The following GRIK2 variants were observed in gnomAD, a reference collection of about 807,000 sequenced individuals.
GRIK2 encodes the protein glutamate ionotropic receptor kainate type subunit 2.
Under a neutral mutation model 100.3 loss-of-function variants are expected in GRIK2, and 32 were observed. The ratio of observed to expected loss-of-function variants is 0.32; its 90% CI spans 0.24 to 0.43. The LOEUF (loss-of-function observed/expected upper bound fraction) is 0.43, where lower values mean the gene tolerates loss of function less well. Among genes scored for constraint, GRIK2 ranks in the 20% least tolerant of loss-of-function variants. GRIK2 has a pLI of 1.00. For synonymous variants in GRIK2, 417 were observed against 389.4 expected (o/e 1.07, Z -0.83); for missense variants, 843 against 1,114.9 (o/e 0.76, Z 3.47).
intron 2 of GRIK2, among the ~76,000 whole-genome samples, chr6:101,443,657 T>C (rs1243549919): frequency 2.0e-5 from 3 of 152,088 alleles, no homozygotes; most frequent in Non-Finnish European, 4.4e-5. Flanking sequence ...AAATTATTTC[T>C]GAAACTTTTA....
chr6:101,523,582 A>T, intron 2 of GRIK2, among the ~76,000 whole-genome samples: 1 of 152,236 alleles, frequency 6.6e-6, no homozygotes, highest in East Asian at 1.9e-4. Context: ...GCAGAAGACC[A>T]TTCCAAACTG....
intron 2 of GRIK2, among the ~76,000 whole-genome samples, chr6:101,438,833 G>A (rs1387016732): frequency 6.6e-6 from 1 of 152,114 alleles, no homozygotes. Context: ...TTGAATTCCT[G>A]AGAACAGATT....
chr6:102,016,667 G>A (rs1795853305), intron 14 of GRIK2, among the ~76,000 whole-genome samples: 1 of 151,884 alleles, frequency 6.6e-6, no homozygotes, highest in African/African-American at 2.4e-5. Context: ...CCCTCAAAGA[G>A]ACGGGGAGAA....
intron 2 of GRIK2, among the ~76,000 whole-genome samples, chr6:101,472,717 G>A (rs1296703169): frequency 6.6e-6 from 1 of 151,744 alleles, no homozygotes; most frequent in Non-Finnish European, 1.5e-5. Context: ...CTGATATGCA[G>A]CCATTCCTTC....
intron 2 of GRIK2, among the ~76,000 whole-genome samples, chr6:101,407,428 A>G (rs1457927567): frequency 6.6e-6 from 1 of 152,140 alleles, no homozygotes; most frequent in Non-Finnish European, 1.5e-5. Flanking sequence ...CCTGGCTGCC[A>G]AAATTCAAAA....
At chr6:101,853,481 A>T (rs1784254038) in intron 10 of GRIK2, among the ~76,000 whole-genome samples, 1 of 152,182 alleles carries the variant, frequency 6.6e-6, no homozygotes, top group African/African-American at 2.4e-5. Context: ...CTCATTTCTT[A>T]TTGGTGGGAA....
At chr6:101,524,837 T>A (rs984420308) in intron 2 of GRIK2, among the ~76,000 whole-genome samples, 5 of 151,954 alleles carry the variant, frequency 3.3e-5, no homozygotes, top group African/African-American at 9.7e-5. Context: ...GTTCAAACGA[T>A]TCTCCAACCT....
chr6:101,417,123 A>T (rs1582401828), intron 2 of GRIK2, among the ~76,000 whole-genome samples: 1 of 152,350 alleles, frequency 6.6e-6, no homozygotes, highest in Non-Finnish European at 1.5e-5. Context: ...AGCTACTGGC[A>T]GCAGGCACGA....
intron 10 of GRIK2, among the ~76,000 whole-genome samples, chr6:101,847,169 T>G (rs896319384): frequency 6.6e-5 from 10 of 152,118 alleles, no homozygotes; most frequent in Non-Finnish European, 1.3e-4. Context: ...TTTCACTGTA[T>G]CCATTGAGTT....
chr6:101,430,431 G>A, intron 2 of GRIK2: 1 of 215,648 alleles, frequency 4.6e-6, no homozygotes, highest in Admixed American at 4.6e-5. Flanking sequence ...ATCCACATCT[G>A]CTGGAAGGTG....
At chr6:101,496,519 C>G (rs1304713074) in intron 2 of GRIK2, among the ~76,000 whole-genome samples, 2 of 152,080 alleles carry the variant, frequency 1.3e-5, no homozygotes, top group Admixed American at 6.6e-5. Context: ...ATAGATTGCA[C>G]AAACACTATG....
chr6:101,680,382 C>T (rs921718541), intron 5 of GRIK2, among the ~76,000 whole-genome samples: 6 of 152,094 alleles, frequency 3.9e-5, no homozygotes, highest in African/African-American at 1.4e-4. Context: ...ATGAAATATA[C>T]CACTTTAGAA....
intron 14 of GRIK2, among the ~76,000 whole-genome samples, chr6:101,936,364 G>T (rs1790618454): frequency 6.6e-6 from 1 of 151,966 alleles, no homozygotes; most frequent in South Asian, 2.1e-4. Context: ...GTTAACATTA[G>T]ATTACGTGGT....
At chr6:101,531,265 A>C (rs2128284783) in intron 2 of GRIK2, among the ~76,000 whole-genome samples, 1 of 152,124 alleles carries the variant, frequency 6.6e-6, no homozygotes, top group Admixed American at 6.6e-5. Context: ...CTTCTAATAT[A>C]GAATTTACAA....
At chr6:101,521,463 T>C (rs192807693) in intron 2 of GRIK2, among the ~76,000 whole-genome samples, 7 of 152,076 alleles carry the variant, frequency 4.6e-5, no homozygotes, top group African/African-American at 1.7e-4. Context: ...ATATCTTCAT[T>C]TGTGGTCTTT....
intron 2 of GRIK2, among the ~76,000 whole-genome samples, chr6:101,515,428 AC>A (rs1774535760): frequency 6.6e-6 from 1 of 152,140 alleles, no homozygotes; most frequent in Admixed American, 6.6e-5. Flanking sequence ...CTGGGTAGAT[AC>A]CCAGTAGTGG....
intron 12 of GRIK2, among the ~76,000 whole-genome samples, chr6:101,899,961 T>C (rs1165370650): frequency 6.6e-6 from 1 of 152,110 alleles, no homozygotes; most frequent in Non-Finnish European, 1.5e-5. Context: ...TGGAAACTGG[T>C]AATAATCTAG....
intron 2 of GRIK2, among the ~76,000 whole-genome samples, chr6:101,420,930 G>C (rs1776381927): frequency 6.6e-6 from 1 of 152,142 alleles, no homozygotes; most frequent in Admixed American, 6.5e-5. Flanking sequence ...ACCAACCAAG[G>C]GAGACAAACT....
In GRIK2 at chr6:101,513,640, A is replaced by G. The variant is rs934865552; in HGVS notation, c.116-108309A>G. 5.3e-5 allele frequency among the ~76,000 whole-genome samples: 8 copies of G among 152,168 alleles called. No homozygotes were observed. The East Asian group carries it at 1.3e-3, about 26-fold the overall frequency. Reference sequence around the variant, plus strand: ...GGTTGGAAAGTAAATAATGATATATAGGGTTAAATAAAACCCAACCTGTCT... The same window carrying G: ...GGTTGGAAAGTAAATAATGATATATGGGGTTAAATAAAACCCAACCTGTCT... On this transcript the variant is annotated intron_variant, in intron 2 of 16. Coordinates refer to ENST00000369134, the MANE Select transcript of GRIK2 (RefSeq NM_021956.5).
Sources: allele counts gnomAD v4.1 joint callset (sites outside exome capture counted in the v4.1 genomes callset), GRCh38; gene constraint gnomAD v4.1.1; transcripts MANE v1.5; gene names NCBI Gene and HGNC (gene_info 2026-07-23, HGNC 2026-07-21).